Variants in RANBP17 observed in about 807,000 individuals in gnomAD.
RANBP17 encodes RAN binding protein 17.
A neutral mutation model predicts 141.2 loss-of-function variants in RANBP17; 158 were observed. The ratio of observed to expected loss-of-function variants is 1.12; its 90% CI spans 0.98 to 1.28. The LOEUF is 1.28. Among genes scored for constraint, RANBP17 ranks in the 50% most tolerant of loss-of-function variants. The pLI is 0.00. For missense variants in RANBP17, 1,438 were observed against 1,290.7 expected (o/e 1.11, Z -1.75); for synonymous variants, 430 against 450.0 (o/e 0.96, Z 0.56).
Position 171,282,789 on chromosome 5 carries a change from A to C in RANBP17, c.2944-11094A>C, listed in dbSNP as rs982262069. Among the ~76,000 whole-genome samples the C allele has an allele frequency of 3.9e-5, 6 of 152,106 alleles. No individual in the cohort carries two copies. In the South Asian group the frequency reaches 1.2e-3, roughly 31 times the overall value. On this transcript the variant is annotated intron_variant, in intron 25 of 27. Coordinates refer to ENST00000523189, the MANE Select transcript of RANBP17 (RefSeq NM_022897.5). The stretch of plus-strand genomic sequence containing the variant: ...GCCACCGCACCTGGCTGAAAGCTGC[A>C]TCTTCTTGGGAAAAATCAGATGGCC...
At chr5:170,965,134 T>A (rs1032290805) in intron 13 of RANBP17, among the ~76,000 whole-genome samples, 1 of 152,200 alleles carries the variant, frequency 6.6e-6, no homozygotes, top group Non-Finnish European at 1.5e-5. Flanking sequence ...TGATTTGCAT[T>A]TCTCTGATGG....
intron 21 of RANBP17, 96 bp downstream of exon 21, chr5:171,213,834 A>C: frequency 1.1e-6 from 1 of 890,930 alleles, no homozygotes; most frequent in Non-Finnish European, 1.9e-6. Flanking sequence ...TTTCCAAGGT[A>C]GTTAGCAAGA....
At chr5:171,186,516 G>A in intron 18 of RANBP17, among the ~76,000 whole-genome samples, 1 of 97,522 alleles carries the variant, frequency 1.0e-5, no homozygotes. Context: ...GTTATCACTG[G>A]TATGATTTTC....
In RANBP17 at chr5:170,953,625, T is replaced by A; in HGVS notation, c.1497T>A (p.Val499=). The A allele has an allele frequency of 1.2e-6, 2 of 1,611,652 alleles. No individual in the cohort carries two copies. The highest frequency in any genetic ancestry group is 1.7e-6 in the Non-Finnish European group (2 of 1,178,066). The change falls in exon 13 of 28, where the codon GTT becomes GTA. Residue 499 remains valine, a synonymous_variant. Coordinates refer to ENST00000523189, the MANE Select transcript of RANBP17 (RefSeq NM_022897.5). ...GTCTTGCATGGCTGGTATACTTAGTTGGGACAGTTGTAGGAGGAAGATTAA... is the reference window on the plus strand; with the variant it reads ...GTCTTGCATGGCTGGTATACTTAGTAGGGACAGTTGTAGGAGGAAGATTAA... ...EGRLAWLVYL[V]GTVVGGRLTY...
chr5:171,042,063 G>A (rs1289384647), intron 14 of RANBP17, among the ~76,000 whole-genome samples: 1 of 152,032 alleles, frequency 6.6e-6, no homozygotes, highest in African/African-American at 2.4e-5. Flanking sequence ...TCCCTGCAAA[G>A]GACATGATCT....
chr5:171,281,184 T>C (rs190936636), intron 25 of RANBP17, among the ~76,000 whole-genome samples: 4 of 152,190 alleles, frequency 2.6e-5, no homozygotes, highest in African/African-American at 7.2e-5. Flanking sequence ...ATTGGTACCA[T>C]GGAAAAGGAG....
At chr5:171,005,096 T>G (rs926391322) in intron 14 of RANBP17, among the ~76,000 whole-genome samples, 1 of 152,102 alleles carries the variant, frequency 6.6e-6, no homozygotes, top group African/African-American at 2.4e-5. Flanking sequence ...TTTTCTAATG[T>G]CAGGAGCTGA....
At chr5:170,955,423 ATCTCT>A (rs1775538442) in intron 13 of RANBP17, among the ~76,000 whole-genome samples, 2 of 143,820 alleles carry the variant, frequency 1.4e-5, no homozygotes, top group Non-Finnish European at 3.0e-5. Flanking sequence ...TTTTGTGATG[ATCTCT>A]TCTAACTTAT....
intron 14 of RANBP17, among the ~76,000 whole-genome samples, chr5:171,169,715 G>C (rs779946356): frequency 2.0e-5 from 3 of 151,778 alleles, no homozygotes; most frequent in Non-Finnish European, 4.4e-5. Context: ...TCCTGAAATG[G>C]TTAATATTTT....
intron 14 of RANBP17, among the ~76,000 whole-genome samples, chr5:171,033,931 G>T (rs1208883006): frequency 6.6e-6 from 1 of 152,030 alleles, no homozygotes; most frequent in African/African-American, 2.4e-5. Flanking sequence ...ACATAGTGAG[G>T]CTCTGTCTCT....
intron 12 of RANBP17, among the ~76,000 whole-genome samples, chr5:170,951,470 T>C (rs896807708): frequency 6.6e-6 from 1 of 152,144 alleles, no homozygotes; most frequent in Admixed American, 6.5e-5. Context: ...AACATTATGC[T>C]GACTTGAAAG....
intron 16 of RANBP17, among the ~76,000 whole-genome samples, chr5:171,177,185 GAA>G (rs1760541311): frequency 6.6e-6 from 1 of 152,110 alleles, no homozygotes; most frequent in African/African-American, 2.4e-5. Flanking sequence ...ATCAGCTACA[GAA>G]AAGTCATCCC....
intron 14 of RANBP17, chr5:171,028,856 T>A: frequency 2.4e-6 from 3 of 1,244,596 alleles, no homozygotes; most frequent in Non-Finnish European, 3.2e-6. Flanking sequence ...TTTCTTTTCT[T>A]TTTTGTCTTG....
intron 1 of RANBP17, among the ~76,000 whole-genome samples, chr5:170,870,034 T>C (rs2127318843): frequency 6.6e-6 from 1 of 152,218 alleles, no homozygotes; most frequent in Non-Finnish European, 1.5e-5. Flanking sequence ...CAAAGTCTAC[T>C]TCAAAGAATC....
intron 13 of RANBP17, among the ~76,000 whole-genome samples, chr5:170,954,511 T>TAC (rs71787034): frequency 0.5 from 62,530 of 125,406 alleles, 16,521 homozygotes; most frequent in South Asian, 0.72. Context: ...TGGTATATTT[T>TAC]ACACACACAC....
At chr5:171,199,588 C>A in intron 18 of RANBP17, 82 bp from the exon 19 acceptor site, 2 of 779,068 alleles carry the variant, frequency 2.6e-6, no homozygotes. Flanking sequence ...TATTTCTAAG[C>A]CTAAATGAAG....
Position 171,287,337 on chromosome 5 carries a change from A to G in RANBP17, c.2944-6546A>G, listed in dbSNP as rs139914662. ...GAAACCCCATGTATACTAAAAATAG[A>G]AAAAAAGCTGGGTGTGGTGGCCCGT... On this transcript the variant is annotated intron_variant, in intron 25 of 27. Coordinates refer to ENST00000523189, the MANE Select transcript of RANBP17 (RefSeq NM_022897.5). 4.6e-3 allele frequency among the ~76,000 whole-genome samples: 699 copies of G among 152,224 alleles called. 5 individuals are homozygous for G. Among genetic ancestry groups the G allele is most frequent in the African/African-American group, 0.016 (667 of 41,526 alleles).
At chr5:171,236,942 T>A (rs1304009163) in intron 22 of RANBP17, among the ~76,000 whole-genome samples, 1 of 152,188 alleles carries the variant, frequency 6.6e-6, no homozygotes, top group South Asian at 2.1e-4. Context: ...TATCTTATTA[T>A]GTAGTTCTCC....
chr5:170,995,674 T>C (rs534419606), intron 14 of RANBP17, among the ~76,000 whole-genome samples: 1 of 152,278 alleles, frequency 6.6e-6, no homozygotes, highest in African/African-American at 2.4e-5. Flanking sequence ...GTAAAAAGTT[T>C]TGTTCTTTAC....
Sources: allele counts gnomAD v4.1 joint callset (sites outside exome capture counted in the v4.1 genomes callset), GRCh38; gene constraint gnomAD v4.1.1; transcripts MANE v1.5; gene names NCBI Gene and HGNC (gene_info 2026-07-23, HGNC 2026-07-21).